GRM3: variants seen among roughly 807,000 people sequenced by gnomAD.
GRM3 encodes metabotropic glutamate receptor 3.
In GRM3, 26 loss-of-function variants were observed where a neutral mutation model predicts 70.5. The observed-to-expected ratio is 0.37, with a 90% CI of 0.27 to 0.51. The LOEUF (loss-of-function observed/expected upper bound fraction) is 0.51. GRM3 is among the 20% of genes least tolerant of loss of function. The pLI is 0.93. For synonymous variants in GRM3, 443 were observed against 434.9 expected (o/e 1.02, Z -0.23); for missense variants, 859 against 1,123.8 (o/e 0.76, Z 3.37).
chr7:86,747,630 C>T (rs1369100890), intron 1 of GRM3, among the ~76,000 whole-genome samples: 1 of 152,080 alleles, frequency 6.6e-6, no homozygotes, highest in East Asian at 1.9e-4. Context: ...GATACCTTGG[C>T]ACCATCAGTT....
At chr7:86,845,197 G>C (rs138001220) in intron 4 of GRM3, among the ~76,000 whole-genome samples, 1 of 152,052 alleles carries the variant, frequency 6.6e-6, no homozygotes, top group Non-Finnish European at 1.5e-5. Context: ...GCCTCGTCCT[G>C]ATTTCTACAA....
At chr7:86,739,873 A>T (rs1795947287) in intron 1 of GRM3, among the ~76,000 whole-genome samples, 1 of 152,206 alleles carries the variant, frequency 6.6e-6, no homozygotes, top group South Asian at 2.1e-4. Context: ...TGTGATCTTC[A>T]GCAACTTACT....
At chr7:86,708,803 A>G (rs1243072711) in intron 1 of GRM3, among the ~76,000 whole-genome samples, 1 of 152,118 alleles carries the variant, frequency 6.6e-6, no homozygotes, top group Non-Finnish European at 1.5e-5. Context: ...GGCTGGCCAG[A>G]GTCTAGTCTG....
chr7:86,757,373 T>C (rs1796370195), intron 1 of GRM3, among the ~76,000 whole-genome samples: 1 of 152,228 alleles, frequency 6.6e-6, no homozygotes, highest in African/African-American at 2.4e-5. Context: ...TTAGTTTCAT[T>C]CTTTATAAGG....
At chr7:86,754,565 A>G (rs1796300750) in intron 1 of GRM3, among the ~76,000 whole-genome samples, 1 of 152,130 alleles carries the variant, frequency 6.6e-6, no homozygotes, top group Admixed American at 6.6e-5. Context: ...TGGCATCTAT[A>G]TGTAAGGGTA....
At chr7:86,712,392 G>T (rs1371484736) in intron 1 of GRM3, among the ~76,000 whole-genome samples, 1 of 151,848 alleles carries the variant, frequency 6.6e-6, no homozygotes, top group Non-Finnish European at 1.5e-5. Flanking sequence ...TTTGGGGGGA[G>T]GTACATGAGA....
chr7:86,779,076 A>G (rs1796972591), intron 2 of GRM3, among the ~76,000 whole-genome samples: 1 of 152,192 alleles, frequency 6.6e-6, no homozygotes, highest in Admixed American at 6.5e-5. Flanking sequence ...ATGAGAAATA[A>G]AACTTCCAAA....
At chr7:86,736,079 A>G (rs1362767938) in intron 1 of GRM3, among the ~76,000 whole-genome samples, 1 of 152,218 alleles carries the variant, frequency 6.6e-6, no homozygotes, top group Non-Finnish European at 1.5e-5. Flanking sequence ...TGAAGTGCTG[A>G]GCTGAATTGT....
chr7:86,670,865 T>C (rs987399275), intron 1 of GRM3, among the ~76,000 whole-genome samples: 2 of 152,214 alleles, frequency 1.3e-5, no homozygotes, highest in African/African-American at 2.4e-5. Context: ...CAACTCTCTA[T>C]TCTCAGAAGA....
At position 86,765,242 on chromosome 7, in the gene GRM3, A is replaced by C. The variant is rs546656956; in HGVS notation, c.97A>C (p.Ile33Leu). ...GGACCATAACTTTCTAAGGAGAGAG[A>C]TTAAAATAGAAGGTGACCTTGTTTT... is the stretch of plus-strand genomic sequence containing the variant. ...LGDHNFLRRE[I>L]KIEGDLVLGG... Residue 33 changes from isoleucine (I) to leucine (L), a missense_variant, in exon 2 of 6, where the codon ATT becomes CTT. Physicochemically the swap from Ile to Leu is conservative, Grantham distance 5 (BLOSUM62 2). Transcript: ENST00000361669. 297 of 1,613,806 alleles carry C rather than the reference A, an allele frequency of 1.8e-4. 5 individuals are homozygous for C. The South Asian group carries it at 3.0e-3, about 17-fold the overall frequency.
chr7:86,762,338 T>C (rs1796499230), intron 1 of GRM3, among the ~76,000 whole-genome samples: 1 of 152,080 alleles, frequency 6.6e-6, no homozygotes, highest in South Asian at 2.1e-4. Flanking sequence ...GATTCACACC[T>C]AAACAAACAG....
intron 1 of GRM3, among the ~76,000 whole-genome samples, chr7:86,741,065 A>G (rs563119590): frequency 6.6e-6 from 1 of 152,240 alleles, no homozygotes; most frequent in African/African-American, 2.4e-5. Flanking sequence ...CCCATCTAAA[A>G]TGTTTTCCTG....
At chr7:86,813,960 T>C (rs1373823643) in intron 3 of GRM3, among the ~76,000 whole-genome samples, 1 of 151,762 alleles carries the variant, frequency 6.6e-6, no homozygotes. Flanking sequence ...CACTAAATCA[T>C]TTGGCTAGCT....
intron 1 of GRM3, among the ~76,000 whole-genome samples, chr7:86,755,180 C>T (rs1405906682): frequency 6.6e-6 from 1 of 151,346 alleles, no homozygotes; most frequent in African/African-American, 2.4e-5. Flanking sequence ...CGAAGGAAAA[C>T]TGTGGTGTAG....
intron 3 of GRM3, among the ~76,000 whole-genome samples, chr7:86,808,377 G>A (rs1371562406): frequency 6.6e-6 from 1 of 151,944 alleles, no homozygotes; most frequent in East Asian, 1.9e-4. Flanking sequence ...GTCTGGTCCT[G>A]GACTTTTTTT....
At chr7:86,739,551 TTC>T (rs1795938868) in intron 1 of GRM3, among the ~76,000 whole-genome samples, 1 of 152,158 alleles carries the variant, frequency 6.6e-6, no homozygotes, top group South Asian at 2.1e-4. Flanking sequence ...AAATCAGTGG[TTC>T]TCAGAATTGT....
intron 1 of GRM3, among the ~76,000 whole-genome samples, chr7:86,654,689 T>A (rs1202279541): frequency 2.0e-5 from 3 of 152,244 alleles, no homozygotes; most frequent in Non-Finnish European, 4.4e-5. Context: ...TTCTTTATTC[T>A]CCTACCACTG....
chr7:86,738,527 T>G (rs1795915054), intron 1 of GRM3, among the ~76,000 whole-genome samples: 2 of 152,228 alleles, frequency 1.3e-5, no homozygotes, highest in South Asian at 4.1e-4. Context: ...ATAAGTTTCC[T>G]GTGAAGCAGA....
intron 1 of GRM3, among the ~76,000 whole-genome samples, chr7:86,701,278 A>AT (rs1259253330): frequency 2.6e-5 from 4 of 152,104 alleles, no homozygotes; most frequent in Admixed American, 6.6e-5. Context: ...CTGCTAGTCT[A>AT]TTAAGTAAAA....
Sources: gnomAD v4.1 joint callset for allele counts (sites outside exome capture counted in the v4.1 genomes callset) on GRCh38, gnomAD v4.1.1 for gene constraint, MANE v1.5 for transcripts, NCBI Gene and HGNC (gene_info 2026-07-23, HGNC 2026-07-21) for gene names.